The following AKT2 variants were observed in gnomAD, a reference collection of about 807,000 sequenced individuals.
The protein encoded by AKT2 is RAC-beta serine/threonine-protein kinase.
A neutral mutation model predicts 58.6 loss-of-function variants in AKT2; 16 were observed. That is an observed-to-expected ratio of 0.27 (90% confidence interval 0.18 to 0.41). The LOEUF is 0.41. Ranked by LOEUF, AKT2 falls within the 10% of genes least tolerant of loss-of-function variation. AKT2 has a pLI of 1.00. For missense variants in AKT2, 438 were observed against 661.0 expected, an observed-to-expected ratio of 0.66 and a Z score of 3.70; for synonymous variants, 253 against 254.0, an observed-to-expected ratio of 1.00 and a Z score of 0.04.
intron 1 of AKT2, among the ~76,000 whole-genome samples, chr19:40,271,900 C>T (rs1329959984): frequency 6.6e-6 from 1 of 152,204 alleles, no homozygotes. Context: ...AAAACCACCA[C>T]CAGCTGACAA....
intron 4 of AKT2, among the ~76,000 whole-genome samples, chr19:40,249,745 TTTAA>T (rs1375770679): frequency 6.6e-6 from 1 of 152,314 alleles, no homozygotes; most frequent in East Asian, 1.9e-4. Flanking sequence ...GCTCAGAGAA[TTTAA>T]TTATTTTTTA....
intron 1 of AKT2, among the ~76,000 whole-genome samples, chr19:40,281,958 T>G (rs1328573877): frequency 6.6e-6 from 1 of 152,216 alleles, no homozygotes; most frequent in Non-Finnish European, 1.5e-5. Context: ...GATGATGAAA[T>G]GAGCTCACAA....
intron 9 of AKT2, chr19:40,236,674 A>C: frequency 4.4e-6 from 2 of 454,700 alleles, no homozygotes; most frequent in Non-Finnish European, 8.1e-6. Context: ...CTTATTTCGA[A>C]CGTGGGGGCA....
chr19:40,273,460 G>A (rs2077253529), intron 1 of AKT2: 1 of 146,140 alleles, frequency 6.8e-6, no homozygotes, highest in African/African-American at 2.6e-5. Flanking sequence ...TGGTGAGAAG[G>A]TGGCACTGAA....
chr19:40,278,821 C>T (rs1391549454), intron 1 of AKT2, among the ~76,000 whole-genome samples: 2 of 151,946 alleles, frequency 1.3e-5, no homozygotes, highest in Non-Finnish European at 2.9e-5. Context: ...GGAAGGTTCC[C>T]GTTTACAGCT....
Position 40,242,007 on chromosome 19 carries a change from C to T in AKT2, c.504G>A (p.Leu168=), listed in dbSNP as rs780380598. 6.2e-7 allele frequency: 1 copy of T among 1,614,244 alleles called. No homozygotes were observed. Among genetic ancestry groups the T allele is most frequent in the Admixed American group, 1.7e-5 (1 of 60,030 alleles). The change falls in exon 6 of 14, where the codon CTG becomes CTA. Residue 168 remains leucine (L), a synonymous_variant. Coordinates refer to ENST00000392038, the MANE Select transcript of AKT2 (RefSeq NM_001626.6). This position sits in a 1 kb window ranked among gnomAD's most constrained non-coding sequence, Gnocchi z 4.3. ...LGKGTFGKVI[L]VREKATGRYY... is the part of the protein sequence containing the mutation. ...AGCGGCCAGTGGCCTTCTCCCGCAC[C>T]AGGATGACTTTGCCAAAGGTTCCCT...
chr19:40,283,896 G>A (rs2077468050), intron 1 of AKT2, among the ~76,000 whole-genome samples: 1 of 152,198 alleles, frequency 6.6e-6, no homozygotes, highest in South Asian at 2.1e-4. Flanking sequence ...GCCTTGGTGG[G>A]GAGTGTAAAC....
intron 1 of AKT2, among the ~76,000 whole-genome samples, chr19:40,283,506 G>A (rs2077460261): frequency 6.6e-6 from 1 of 152,224 alleles, no homozygotes; most frequent in South Asian, 2.1e-4. Flanking sequence ...AGTCACTGCT[G>A]CGGACTAGGG....
In AKT2 at chr19:40,285,306, G is replaced by A; in HGVS notation, c.-210C>T. The A allele has an allele frequency of 2.5e-6, 1 of 395,072 alleles. No individual in the cohort carries two copies. The highest frequency in any genetic ancestry group is 4.5e-6 in the Non-Finnish European group (1 of 223,790). 24.5% of individuals were successfully genotyped at this position (395,072 alleles called of 1,614,324 possible). ...GGCGCCGGCAGCGGCAGCGGCGGCG[G>A]CGACGCCTCCTCCGAGGCAGGCCCA... is the stretch of plus-strand genomic sequence containing the variant. On this transcript the variant is annotated 5_prime_UTR_variant, in exon 1 of 14. Coordinates refer to ENST00000392038, the MANE Select transcript of AKT2 (RefSeq NM_001626.6).
intron 4 of AKT2, among the ~76,000 whole-genome samples, chr19:40,252,059 G>A (rs1017519732): frequency 4.6e-5 from 7 of 152,140 alleles, no homozygotes; most frequent in African/African-American, 7.2e-5. Context: ...GCAACCAGGA[G>A]CCCAGTGAGG....
Position 40,232,869 on chromosome 19 carries a change from G to A in AKT2, c.*1003C>T, listed in dbSNP as rs1203511034. 2.5e-5 allele frequency: 6 copies of A among 236,804 alleles called. No homozygotes were observed. The highest frequency in any genetic ancestry group is 5.0e-5 in the Non-Finnish European group (6 of 120,190). 14.7% of individuals were successfully genotyped at this position (236,804 alleles called of 1,614,324 possible). On this transcript the variant is annotated 3_prime_UTR_variant, in exon 14 of 14. Transcript: ENST00000392038. ...ACGTGGGGCCCTGGGGAGAGGGAGG[G>A]GTGAGGGGGGCCTAGGAGCCTCCCT...
chr19:40,235,927 G>A lies in AKT2; in HGVS notation c.1138C>T (p.Leu380=), dbSNP rs1417395569. The A allele has an allele frequency of 8.7e-6, 14 of 1,613,412 alleles. No homozygotes were observed. Among genetic ancestry groups the A allele is most frequent in the Non-Finnish European group, 1.0e-5 (12 of 1,180,012 alleles). Reference sequence around the variant, plus strand: ...TCCTTCTTAAGCAGCCCAGCAAGCAGGGACTTGGCCTCGGGGCTGAGCGTG... The same window carrying A: ...TCCTTCTTAAGCAGCCCAGCAAGCAAGGACTTGGCCTCGGGGCTGAGCGTG... The part of the protein sequence containing the change: ...PRTLSPEAKS[L]LAGLLKKDPK... Residue 380 remains leucine, a synonymous_variant, in exon 11 of 14, where the codon CTG becomes TTG. Transcript: ENST00000392038. The surrounding 1 kb of genome is among the most constrained non-coding windows in gnomAD (Gnocchi z 6.3).
intron 10 of AKT2, 55 bp downstream of exon 10, chr19:40,236,202 G>C: frequency 1.2e-6 from 2 of 1,613,386 alleles, no homozygotes; most frequent in Non-Finnish European, 1.7e-6. Context: ...CACAGGTCTG[G>C]GGGATCCCCC....
At chr19:40,284,151 T>C (rs1218568208) in intron 1 of AKT2, among the ~76,000 whole-genome samples, 2 of 152,082 alleles carry the variant, frequency 1.3e-5, no homozygotes, top group Admixed American at 1.3e-4. Context: ...GGTCTCCAAA[T>C]GAGAGGAAGA....
At chr19:40,263,769 G>A (rs547629433) in intron 2 of AKT2, among the ~76,000 whole-genome samples, 1 of 152,272 alleles carries the variant, frequency 6.6e-6, no homozygotes, top group East Asian at 1.9e-4. Flanking sequence ...CAGGATGCGT[G>A]GCTCTTCCCG....
intron 6 of AKT2, 63 bp from the exon 7 acceptor site, chr19:40,240,173 C>T (rs555870471): frequency 1.3e-5 from 20 of 1,516,510 alleles, no homozygotes; most frequent in East Asian, 6.7e-5. Context: ...TCCGCCCCGA[C>T]GAAGGGGAGC....
chr19:40,238,064 C>T lies in AKT2; in HGVS notation c.736G>A (p.Val246Ile). 3 of 1,604,840 alleles carry T rather than the reference C, an allele frequency of 1.9e-6. No individual in the cohort carries two copies. The South Asian group carries it at 3.4e-5, about 18-fold the overall frequency. ...AACCGGGCCCGCTCCTCTGTGAAGA[C>T]ACGCTCCCGGGACAGGTGGAAGAAC... ...ELFFHLSRER[V>I]FTEERARFYG... Residue 246 changes from valine to isoleucine, a missense_variant, in exon 9 of 14, where the codon GTC (valine) becomes ATC (isoleucine). Val to Ile is a conservative substitution (Grantham distance 29). Transcript: ENST00000392038. The surrounding 1 kb of genome is among the most constrained non-coding windows in gnomAD (Gnocchi z 5.1).
chr19:40,233,391 G>A lies in AKT2; in HGVS notation c.*481C>T. The A allele has an allele frequency of 2.2e-6, 1 of 445,442 alleles. No individual in the cohort carries two copies. Among genetic ancestry groups the A allele is most frequent in the Non-Finnish European group, 4.3e-6 (1 of 235,082 alleles). The allele number at this position is 445,442 out of a possible 1,614,324, so 27.6% of individuals were successfully genotyped here. A position where few individuals can be genotyped will look rare whatever the true frequency, so the allele number is the denominator to read the frequency against. On this transcript the variant is annotated 3_prime_UTR_variant, in exon 14 of 14. Transcript: ENST00000392038. The surrounding 1 kb of genome is among the most constrained non-coding windows in gnomAD (Gnocchi z 4.3). ...ATAGGGGGACAGCGGGTGGGGGATT[G>A]GACCGCCCCGTGCCTGGCCACTCCG...
intron 1 of AKT2, among the ~76,000 whole-genome samples, chr19:40,271,231 A>G (rs2145396076): frequency 6.8e-6 from 1 of 147,990 alleles, no homozygotes; most frequent in Non-Finnish European, 1.5e-5. Context: ...ATATATACAC[A>G]CATATATATG....
Sources: allele counts gnomAD v4.1 joint callset (sites outside exome capture counted in the v4.1 genomes callset), GRCh38; gene constraint gnomAD v4.1.1; non-coding constraint Gnocchi (gnomAD v3.1); transcripts MANE v1.5; gene names NCBI Gene and HGNC (gene_info 2026-07-23, HGNC 2026-07-21).